BTRC: variants seen among roughly 807,000 people sequenced by gnomAD.
The protein encoded by BTRC is F-box/WD repeat-containing protein 1A.
A neutral mutation model predicts 85.5 loss-of-function variants in BTRC; 42 were observed. The observed-to-expected ratio is 0.49, with a 90% CI of 0.38 to 0.64. The LOEUF (loss-of-function observed/expected upper bound fraction) is 0.64. Ranked by LOEUF, BTRC falls within the 30% of genes least tolerant of loss-of-function variation. The pLI, the probability that BTRC is intolerant of heterozygous loss-of-function variation, is 0.00. For missense variants in BTRC, 594 were observed against 743.5 expected (o/e 0.80, Z 2.34); for synonymous variants, 255 against 263.3 (o/e 0.97, Z 0.30).
At position 101,422,490 on chromosome 10, in the gene BTRC, A is replaced by G. The variant is rs1589447760; in HGVS notation, c.49-7855A>G. Among the ~76,000 whole-genome samples the G allele has an allele frequency of 3.3e-5, 5 of 152,170 alleles. No homozygotes were observed. In the East Asian group the frequency reaches 9.7e-4, roughly 29 times the overall value. ...TAGTTTAATTAGATCCCATTTGTCAATTTTGGCTTTTGTTGCTATGGCTTT... is the reference window on the plus strand; with the variant it reads ...TAGTTTAATTAGATCCCATTTGTCAGTTTTGGCTTTTGTTGCTATGGCTTT... On this transcript the variant is annotated intron_variant, in intron 1 of 14. Coordinates refer to ENST00000370187, the MANE Select transcript of BTRC (RefSeq NM_033637.4).
intron 4 of BTRC, among the ~76,000 whole-genome samples, chr10:101,481,958 A>G (rs1945845177): frequency 6.6e-6 from 1 of 152,220 alleles, no homozygotes; most frequent in African/African-American, 2.4e-5. Context: ...CACATAGCTG[A>G]AAAATTTTCT....
At chr10:101,477,577 G>A (rs983561717) in intron 3 of BTRC, among the ~76,000 whole-genome samples, 3 of 152,150 alleles carry the variant, frequency 2.0e-5, no homozygotes, top group African/African-American at 7.2e-5. Context: ...GCCTCCCAAA[G>A]TGCTGGGATC....
chr10:101,384,871 C>T (rs928948588), intron 1 of BTRC, among the ~76,000 whole-genome samples: 1 of 152,118 alleles, frequency 6.6e-6, no homozygotes, highest in African/African-American at 2.4e-5. Flanking sequence ...AATCGTGGGA[C>T]ACTACTTAAC....
intron 2 of BTRC, among the ~76,000 whole-genome samples, chr10:101,444,654 G>A (rs1479527213): frequency 1.3e-5 from 2 of 152,118 alleles, no homozygotes; most frequent in East Asian, 1.9e-4. Context: ...AACAGCTGCA[G>A]AGAATAAACC....
intron 1 of BTRC, among the ~76,000 whole-genome samples, chr10:101,373,811 G>A (rs932610668): frequency 1.4e-4 from 21 of 151,858 alleles, no homozygotes; most frequent in Non-Finnish European, 2.6e-4. Context: ...CCAGCTACTC[G>A]GGAGGCTGAG....
intron 1 of BTRC, among the ~76,000 whole-genome samples, chr10:101,389,903 G>A (rs1184948362): frequency 6.6e-6 from 1 of 152,130 alleles, no homozygotes; most frequent in East Asian, 1.9e-4. Flanking sequence ...GAGATTATAG[G>A]TATGAGCTAA....
intron 4 of BTRC, among the ~76,000 whole-genome samples, chr10:101,491,150 A>G (rs1376530346): frequency 6.6e-6 from 1 of 152,152 alleles, no homozygotes; most frequent in Admixed American, 6.6e-5. Flanking sequence ...TAGTATACAG[A>G]TCTTTCAAGG....
At position 101,370,616 on chromosome 10, in the gene BTRC, C is replaced by T. The variant is rs536536446; in HGVS notation, c.48+16388C>T. 1.5e-4 allele frequency among the ~76,000 whole-genome samples: 22 copies of T among 150,308 alleles called. No homozygotes were observed. In the South Asian group the frequency reaches 4.7e-3, roughly 32 times the overall value. The stretch of plus-strand genomic sequence containing the variant: ...GATCATACAGATCCTTCCCTCCCTC[C>T]CTCCCTCCCTTTCTCCCATCTAGGC... On this transcript the variant is annotated intron_variant, in intron 1 of 14. Coordinates refer to ENST00000370187, the MANE Select transcript of BTRC (RefSeq NM_033637.4).
chr10:101,408,939 T>C (rs182567699), intron 1 of BTRC, among the ~76,000 whole-genome samples: 1 of 152,024 alleles, frequency 6.6e-6, no homozygotes, highest in Admixed American at 6.5e-5. Context: ...AGCCCAGCTA[T>C]TTGGGAGGCT....
At chr10:101,536,243 C>T (rs770820798) in intron 11 of BTRC, among the ~76,000 whole-genome samples, 5 of 152,184 alleles carry the variant, frequency 3.3e-5, no homozygotes, top group Non-Finnish European at 7.3e-5. Flanking sequence ...TTGGTCATTT[C>T]CTTCTCAGGC....
At chr10:101,540,147 T>C (rs966383104) in intron 13 of BTRC, among the ~76,000 whole-genome samples, 1 of 152,246 alleles carries the variant, frequency 6.6e-6, no homozygotes, top group Non-Finnish European at 1.5e-5. Flanking sequence ...ATTGACTTTT[T>C]CTATTATGGC....
intron 12 of BTRC, among the ~76,000 whole-genome samples, chr10:101,537,106 A>G (rs2062398135): frequency 6.6e-6 from 1 of 152,172 alleles, no homozygotes; most frequent in African/African-American, 2.4e-5. Flanking sequence ...TCTTGTCATC[A>G]CTTGTCATCC....
chr10:101,412,398 G>T (rs886847309), intron 1 of BTRC, among the ~76,000 whole-genome samples: 10 of 152,100 alleles, frequency 6.6e-5, no homozygotes, highest in Non-Finnish European at 5.9e-5. Context: ...CACCTTATTT[G>T]TTTCCCGTCA....
intron 1 of BTRC, among the ~76,000 whole-genome samples, chr10:101,390,005 T>C (rs1338845954): frequency 2.0e-5 from 3 of 152,172 alleles, no homozygotes; most frequent in Non-Finnish European, 2.9e-5. Context: ...CGTTTATCCT[T>C]TATATCTCAG....
Position 101,521,627 on chromosome 10 carries a change from C to T in BTRC, c.325-12C>T. 1.3e-6 allele frequency: 2 copies of T among 1,588,610 alleles called. No homozygotes were observed. The highest frequency in any genetic ancestry group is 1.7e-6 in the Non-Finnish European group (2 of 1,161,014). On this transcript the variant is annotated splice_polypyrimidine_tract_variant and intron_variant, in intron 4 of 14. Transcript: ENST00000370187. ...CTAATCATTTTATGTTTCTTTTAACCCCCTTCTACAGACAAAACTTGCCAA... is the reference window on the plus strand; with the variant it reads ...CTAATCATTTTATGTTTCTTTTAACTCCCTTCTACAGACAAAACTTGCCAA...
chr10:101,450,677 T>C (rs565039475), intron 2 of BTRC, among the ~76,000 whole-genome samples: 3 of 152,294 alleles, frequency 2.0e-5, no homozygotes, highest in African/African-American at 4.8e-5. Flanking sequence ...AGCTTTGAAA[T>C]AACTGTTAGT....
chr10:101,451,853 G>T (rs1944962404), intron 2 of BTRC, among the ~76,000 whole-genome samples: 1 of 152,162 alleles, frequency 6.6e-6, no homozygotes, highest in Non-Finnish European at 1.5e-5. Flanking sequence ...CAGGGGCTTT[G>T]TGAGGAGGAG....
At chr10:101,539,770 T>C (rs2062439078) in intron 13 of BTRC, among the ~76,000 whole-genome samples, 1 of 152,230 alleles carries the variant, frequency 6.6e-6, no homozygotes, top group African/African-American at 2.4e-5. Context: ...CAAAGTGGTT[T>C]ACCCTTTTAC....
chr10:101,379,115 A>G (rs1444385170), intron 1 of BTRC, among the ~76,000 whole-genome samples: 2 of 152,212 alleles, frequency 1.3e-5, no homozygotes, highest in African/African-American at 4.8e-5. Flanking sequence ...TGCTTTATCA[A>G]ATTTTGCCTG....
Sources: allele counts gnomAD v4.1 joint callset (sites outside exome capture counted in the v4.1 genomes callset), GRCh38; gene constraint gnomAD v4.1.1; transcripts MANE v1.5; gene names NCBI Gene and HGNC (gene_info 2026-07-23, HGNC 2026-07-21).